Variants in ZNF329 observed in about 807,000 individuals in gnomAD.
ZNF329 encodes the protein zinc finger protein 329.
In ZNF329, 15 loss-of-function variants were observed where a neutral mutation model predicts 26.6. The ratio of observed to expected loss-of-function variants is 0.56; its 90% CI spans 0.38 to 0.87. The LOEUF is 0.87. Among genes scored for constraint, ZNF329 ranks in the 40% least tolerant of loss-of-function variants. The pLI is 0.00. For missense variants in ZNF329, 651 were observed against 651.9 expected, an observed-to-expected ratio of 1.00 and a Z score of 0.02; for synonymous variants, 239 against 233.5, an observed-to-expected ratio of 1.02 and a Z score of -0.21.
At chr19:58,151,648 G>A (rs919918252), upstream of ZNF329, among the ~76,000 whole-genome samples, 1 of 147,986 alleles carries the variant, frequency 6.8e-6, no homozygotes, top group Non-Finnish European at 1.5e-5. Flanking sequence ...AAGATAGACA[G>A]TTCTCCAAAA....
upstream of ZNF329, among the ~76,000 whole-genome samples, chr19:58,151,295 C>G (rs1005282794): frequency 6.6e-6 from 1 of 152,072 alleles, no homozygotes; most frequent in Admixed American, 6.5e-5. Flanking sequence ...CATGGGGAAG[C>G]CTAAATATTT....
intron 1 of ZNF329, among the ~76,000 whole-genome samples, chr19:58,147,775 G>T (rs1318254742): frequency 1.2e-4 from 1 of 8,042 alleles, no homozygotes; most frequent in African/African-American, 6.2e-4. Context: ...AGGTGGGGGG[G>T]GTCAGCCCCC....
chr19:58,129,030 A>C lies in ZNF329; in HGVS notation c.474T>G (p.His158Gln). 1 of 1,613,934 alleles carries C rather than the reference A, an allele frequency of 6.2e-7. No homozygotes were observed. The highest frequency in any genetic ancestry group is 8.5e-7 in the Non-Finnish European group (1 of 1,179,890). ...KYPESVKSFNHFTSLGHQKIM... is the reference protein window; with the variant it reads ...KYPESVKSFNQFTSLGHQKIM... ...TTTTCTGATGACCAAGAGAGGTAAA[A>C]TGATTAAAAGACTTAACACTTTCAG... The change falls in exon 4 of 4, where the codon CAT (histidine) becomes CAG (glutamine). Residue 158 changes from histidine (H) to glutamine (Q), a missense_variant. His to Gln is a conservative substitution (Grantham distance 24). Transcript: ENST00000598312.
chr19:58,148,384 GATCA>G (rs1403533066), intron 1 of ZNF329, among the ~76,000 whole-genome samples: 54 of 104,424 alleles, frequency 5.2e-4, no homozygotes, highest in African/African-American at 1.5e-3. Context: ...ACCCAAGAAT[GATCA>G]ATTAAAAAAA....
At chr19:58,136,229 C>CAAA (rs201265531) in intron 3 of ZNF329, among the ~76,000 whole-genome samples, 7 of 109,728 alleles carry the variant, frequency 6.4e-5, no homozygotes, top group African/African-American at 2.3e-4. Flanking sequence ...GACTCCATCT[C>CAAA]AAAAAAAAAA....
intron 3 of ZNF329, among the ~76,000 whole-genome samples, chr19:58,140,391 A>G: frequency 6.6e-6 from 1 of 151,442 alleles, no homozygotes; most frequent in Non-Finnish European, 1.5e-5. Flanking sequence ...CTAAACATAA[A>G]AGCTACAACT....
intron 3 of ZNF329, chr19:58,136,678 T>C (rs1378861209): frequency 3.5e-5 from 3 of 86,704 alleles, no homozygotes; most frequent in East Asian, 2.6e-4. Context: ...AGAGTAAGAC[T>C]GTCTCCAAAA....
chr19:58,146,463 G>A (rs1017353093), intron 1 of ZNF329, among the ~76,000 whole-genome samples: 2 of 151,690 alleles, frequency 1.3e-5, no homozygotes, highest in African/African-American at 4.8e-5. Flanking sequence ...GACGGAGTAA[G>A]ATTCCATCTT....
chr19:58,129,971 A>G (rs1171129575), intron 3 of ZNF329, among the ~76,000 whole-genome samples: 1 of 152,226 alleles, frequency 6.6e-6, no homozygotes, highest in Non-Finnish European at 1.5e-5. Context: ...GCATTCATGG[A>G]TAGGACAAAG....
At chr19:58,152,418 C>T (rs1450042073), upstream of ZNF329, among the ~76,000 whole-genome samples, 2 of 137,466 alleles carry the variant, frequency 1.5e-5, no homozygotes, top group East Asian at 3.9e-4. Context: ...TCCTAGTACT[C>T]GGTCTCAAAA....
chr19:58,147,679 C>G (rs989506132), intron 1 of ZNF329, among the ~76,000 whole-genome samples: 1 of 147,708 alleles, frequency 6.8e-6, no homozygotes, highest in African/African-American at 2.6e-5. Flanking sequence ...GCCGCCCTGT[C>G]TGGGAGATGA....
chr19:58,150,356 G>C (rs2075421776), intron 1 of ZNF329, among the ~76,000 whole-genome samples: 1 of 152,238 alleles, frequency 6.6e-6, no homozygotes, highest in Non-Finnish European at 1.5e-5. Context: ...ACACCTGACA[G>C]AAAAGCTGCA....
intron 3 of ZNF329, among the ~76,000 whole-genome samples, chr19:58,133,972 C>T (rs1354842757): frequency 1.3e-5 from 2 of 152,218 alleles, no homozygotes; most frequent in Admixed American, 1.3e-4. Context: ...AATGGGGCAA[C>T]AGAATCAAGT....
chr19:58,147,908 A>T (rs989064397), intron 1 of ZNF329, among the ~76,000 whole-genome samples: 9 of 152,066 alleles, frequency 5.9e-5, no homozygotes, highest in African/African-American at 1.2e-4. Context: ...CAACAGCTCA[A>T]TGAGAACGGG....
At chr19:58,131,758 T>A (rs975412290) in intron 3 of ZNF329, among the ~76,000 whole-genome samples, 2 of 152,276 alleles carry the variant, frequency 1.3e-5, no homozygotes, top group Admixed American at 6.5e-5. Context: ...GAGCAGTGGG[T>A]CACGCCTGTA....
chr19:58,132,713 G>A (rs2074975806), intron 3 of ZNF329: 1 of 151,902 alleles, frequency 6.6e-6, no homozygotes, highest in African/African-American at 2.4e-5. Flanking sequence ...CATAAATTAG[G>A]TATATTCTAC....
At chr19:58,140,694 C>A (rs373770324) in intron 3 of ZNF329, among the ~76,000 whole-genome samples, 1 of 151,508 alleles carries the variant, frequency 6.6e-6, no homozygotes, top group African/African-American at 2.4e-5. Context: ...GGATTACAGG[C>A]GTGACCACCG....
At position 58,147,457 on chromosome 19, in the gene ZNF329, G is replaced by A. The variant is rs980279183; in HGVS notation, c.-208+3295C>T. ...CCCCGCCCGGCCAGCCGCCCCGTCC[G>A]GGAGGTGAGGGGCGCCTCTGCCCAG... On this transcript the variant is annotated intron_variant, in intron 1 of 3. Transcript: ENST00000598312. Among the ~76,000 whole-genome samples the A allele has an allele frequency of 9.5e-5, 14 of 147,880 alleles. No individual in the cohort carries two copies. In the East Asian group the frequency reaches 1.2e-3, roughly 13 times the overall value.
At chr19:58,139,957 T>C (rs1600077136) in intron 3 of ZNF329, among the ~76,000 whole-genome samples, 3 of 152,158 alleles carry the variant, frequency 2.0e-5, no homozygotes, top group African/African-American at 4.8e-5. Flanking sequence ...TGTAGCTAAT[T>C]TGGAAACCAG....
Sources: gnomAD v4.1 joint callset for allele counts (sites outside exome capture counted in the v4.1 genomes callset) on GRCh38, gnomAD v4.1.1 for gene constraint, MANE v1.5 for transcripts, NCBI Gene and HGNC (gene_info 2026-07-23, HGNC 2026-07-21) for gene names.